Variants in IFI16 observed in about 807,000 individuals in gnomAD.
IFI16 encodes gamma-interferon-inducible protein 16.
In IFI16, 49 loss-of-function variants were observed where a neutral mutation model predicts 68.4. That is an observed-to-expected ratio of 0.72 (90% CI 0.57 to 0.91). The LOEUF is 0.91. Ranked by LOEUF, IFI16 falls within the 40% of genes least tolerant of loss-of-function variation. The pLI is 0.00. For missense variants in IFI16, 878 were observed against 942.9 expected (o/e 0.93, Z 0.90); for synonymous variants, 307 against 315.0 (o/e 0.97, Z 0.27).
chr1:159,036,813 T>C (rs1173647467), intron 7 of IFI16, among the ~76,000 whole-genome samples: 3 of 152,204 alleles, frequency 2.0e-5, no homozygotes. Flanking sequence ...TCCAAGTTAG[T>C]GTCTCATCTA....
At chr1:159,044,177 T>C (rs1571884836) in intron 7 of IFI16, among the ~76,000 whole-genome samples, 1 of 152,246 alleles carries the variant, frequency 6.6e-6, no homozygotes, top group Non-Finnish European at 1.5e-5. Flanking sequence ...CTATGGCTAG[T>C]CCCATCTCAC....
chr1:159,015,755 G>C (rs543796373), intron 2 of IFI16, 117 bp from the exon 3 acceptor site: 1 of 723,928 alleles, frequency 1.4e-6, no homozygotes, highest in South Asian at 1.7e-5. Flanking sequence ...AAGCACAGCT[G>C]AACCCTCAAG....
At chr1:159,030,040 G>A (rs1000147252) in intron 6 of IFI16, among the ~76,000 whole-genome samples, 4 of 151,984 alleles carry the variant, frequency 2.6e-5, no homozygotes, top group Admixed American at 2.6e-4. Context: ...TAATTCACAA[G>A]CCTTGTCTTC....
intron 7 of IFI16, among the ~76,000 whole-genome samples, chr1:159,043,919 G>T (rs904959158): frequency 1.3e-5 from 2 of 152,254 alleles, no homozygotes; most frequent in African/African-American, 2.4e-5. Context: ...ACACATGGCA[G>T]ATCTGAAGAG....
intron 4 of IFI16, among the ~76,000 whole-genome samples, chr1:159,017,867 C>G (rs1653034045): frequency 6.6e-6 from 1 of 152,220 alleles, no homozygotes. Flanking sequence ...CTCGGCGTTT[C>G]AAAGTGCTGA....
chr1:159,000,817 GTGGATCCCTCATGAATGGCTCAGTGCCA>G (rs1001584597), intron 1 of IFI16, among the ~76,000 whole-genome samples: 4 of 152,148 alleles, frequency 2.6e-5, no homozygotes, highest in Non-Finnish European at 4.4e-5. Flanking sequence ...GCTCATGGGG[GTGGATCCCTCATGAATGGCTCAGTGCCA>G]TCCCCTGGTT....
In IFI16 at chr1:159,014,674, T is replaced by G. The variant is rs1215775530; in HGVS notation, c.-7T>G. 6.3e-7 allele frequency: 1 copy of G among 1,588,482 alleles called. No individual in the cohort carries two copies. The highest frequency in any genetic ancestry group is 1.1e-5 in the South Asian group (1 of 87,334). ...TTTCTCTTGTAGGCTCACTTATGTC[T>G]GTAAAGATGGGAAAAAAATACAAGA... On this transcript the variant is annotated 5_prime_UTR_variant, in exon 2 of 12. Transcript: ENST00000295809.
intron 1 of IFI16, 31 bp from the exon 2 acceptor site, chr1:159,014,630 G>C: frequency 6.9e-7 from 1 of 1,439,322 alleles, no homozygotes; most frequent in Non-Finnish European, 9.4e-7. Flanking sequence ...GTATACATGT[G>C]TAACACTGTA....
At chr1:159,037,383 G>A (rs957419802) in intron 7 of IFI16, among the ~76,000 whole-genome samples, 1 of 152,172 alleles carries the variant, frequency 6.6e-6, no homozygotes, top group Non-Finnish European at 1.5e-5. Context: ...TTCACCAGCT[G>A]AGCAGGAAAG....
chr1:159,004,314 A>C (rs561799393), upstream of IFI16, among the ~76,000 whole-genome samples: 2 of 149,062 alleles, frequency 1.3e-5, no homozygotes, highest in African/African-American at 2.5e-5. Flanking sequence ...TCTCCAAAAG[A>C]AAAAAAAAAG....
chr1:159,006,838 CAAAA>C (rs1265206355), upstream of IFI16, among the ~76,000 whole-genome samples: 1 of 152,072 alleles, frequency 6.6e-6, no homozygotes. Flanking sequence ...AACAAACAAA[CAAAA>C]AGACCAAGGC....
chr1:159,033,886 T>A (rs1654160741), intron 7 of IFI16, among the ~76,000 whole-genome samples: 1 of 152,198 alleles, frequency 6.6e-6, no homozygotes, highest in Admixed American at 6.5e-5. Flanking sequence ...ACAGAGTGCA[T>A]TTTCTATATT....
chr1:159,015,338 T>TA (rs1270153470), intron 2 of IFI16, among the ~76,000 whole-genome samples: 2 of 152,136 alleles, frequency 1.3e-5, no homozygotes, highest in Non-Finnish European at 2.9e-5. Flanking sequence ...CTTTATAATT[T>TA]AAAAAAATGC....
chr1:159,011,401 T>G (rs1014147481), intron 1 of IFI16, among the ~76,000 whole-genome samples: 1 of 151,868 alleles, frequency 6.6e-6, no homozygotes, highest in Non-Finnish European at 1.5e-5. Context: ...AAAAAAATTT[T>G]TTTTCTTTGT....
At chr1:159,013,147 C>G (rs1652680862) in intron 1 of IFI16, among the ~76,000 whole-genome samples, 1 of 138,812 alleles carries the variant, frequency 7.2e-6, no homozygotes, top group Admixed American at 7.4e-5. Flanking sequence ...TCCTCATGTT[C>G]TCGTAAGAAG....
chr1:159,050,283 G>T (rs1256559004), intron 9 of IFI16, among the ~76,000 whole-genome samples: 1 of 148,868 alleles, frequency 6.7e-6, no homozygotes, highest in Non-Finnish European at 1.5e-5. Flanking sequence ...TTGGCTTTAT[G>T]TTGTTTCCAG....
At chr1:159,004,303 A>G (rs545695131), upstream of IFI16, among the ~76,000 whole-genome samples, 1 of 150,480 alleles carries the variant, frequency 6.6e-6, no homozygotes, top group East Asian at 2.0e-4. Flanking sequence ...GCAAGACCTT[A>G]TCTCCAAAAG....
chr1:159,000,638 G>A (rs1571812482), intron 1 of IFI16, among the ~76,000 whole-genome samples: 2 of 152,092 alleles, frequency 1.3e-5, no homozygotes, highest in Non-Finnish European at 2.9e-5. Flanking sequence ...TTTCACATGT[G>A]CAATTTAAAT....
chr1:159,052,013 G>A lies in IFI16; in HGVS notation c.2000G>A (p.Arg667Lys). 1 of 1,614,062 alleles carries A rather than the reference G, an allele frequency of 6.2e-7. No individual in the cohort carries two copies. The highest frequency in any genetic ancestry group is 8.5e-7 in the Non-Finnish European group (1 of 1,179,954). Residue 667 changes from arginine (R) to lysine (K), a missense_variant, in exon 10 of 12, where the codon AGA becomes AAA. By Grantham distance (26) the Arg-to-Lys change is conservative (BLOSUM62 2). Coordinates refer to ENST00000295809, the MANE Select transcript of IFI16 (RefSeq NM_001376587.1). ...RNMEIPKGLIRSASVTPKINQ... is the reference protein window; with the variant it reads ...RNMEIPKGLIKSASVTPKINQ... Reference sequence around the variant, plus strand: ...ATGGAGATCCCAAAAGGATTGATTAGAAGTGCCAGCGTAACTCCTAAAATC... The same window carrying A: ...ATGGAGATCCCAAAAGGATTGATTAAAAGTGCCAGCGTAACTCCTAAAATC...
Sources: gnomAD v4.1 joint callset for allele counts (sites outside exome capture counted in the v4.1 genomes callset) on GRCh38, gnomAD v4.1.1 for gene constraint, MANE v1.5 for transcripts, NCBI Gene and HGNC (gene_info 2026-07-23, HGNC 2026-07-21) for gene names.